The following RUFY2 variants were observed in gnomAD, a reference collection of about 807,000 sequenced individuals.
The protein encoded by RUFY2 is RUN and FYVE domain-containing protein 2.
A neutral mutation model predicts 94.4 loss-of-function variants in RUFY2; 49 were observed. The observed-to-expected ratio is 0.52, with a 90% CI of 0.41 to 0.66. RUFY2 has a LOEUF of 0.66. Ranked by LOEUF, RUFY2 falls within the 30% of genes least tolerant of loss-of-function variation. RUFY2 has a pLI of 0.00. For synonymous variants in RUFY2, 255 were observed against 235.7 expected (o/e 1.08, Z -0.75); for missense variants, 541 against 692.8 (o/e 0.78, Z 2.46).
In RUFY2 at chr10:68,345,774, C is replaced by T. The variant is rs201984496; in HGVS notation, c.1815G>A (p.Leu605=). 5,039 of 1,611,302 alleles carry T rather than the reference C, an allele frequency of 3.1e-3. 18 individuals carry two copies. The highest frequency in any genetic ancestry group is 4.8e-3 in the South Asian group (431 of 90,456). The change falls in exon 18 of 18, where the codon TTG becomes TTA. Residue 605 remains leucine (L), a synonymous_variant. Coordinates refer to ENST00000602465, the MANE Select transcript of RUFY2 (RefSeq NM_001330103.2). ...ALLIQRCSSN[L]P is the part of the protein sequence containing the mutation. ...AGGATTTAGTTCTGGAGTCTCAGGGCAAGTTAGATGAGCATCTCTGAATGA... is the reference window on the plus strand; with the variant it reads ...AGGATTTAGTTCTGGAGTCTCAGGGTAAGTTAGATGAGCATCTCTGAATGA...
chr10:68,406,682 T>C, intron 1 of RUFY2: 1 of 1,384,116 alleles, frequency 7.2e-7, no homozygotes, highest in South Asian at 1.4e-5. Flanking sequence ...CCTGCCTCTC[T>C]TCCTGCCCCC....
chr10:68,378,492 CCTTT>C (rs2048813088), intron 12 of RUFY2: 1 of 1,375,962 alleles, frequency 7.3e-7, no homozygotes, highest in African/African-American at 1.5e-5. Context: ...CATTTAGATT[CCTTT>C]CTATTTAATA....
At chr10:68,348,934 T>C (rs1473274216) in intron 16 of RUFY2, among the ~76,000 whole-genome samples, 1 of 152,180 alleles carries the variant, frequency 6.6e-6, no homozygotes, top group African/African-American at 2.4e-5. Flanking sequence ...CAGCAATTTT[T>C]CTCTGCCCAA....
intron 13 of RUFY2, among the ~76,000 whole-genome samples, chr10:68,364,323 A>G (rs1452998206): frequency 1.3e-5 from 2 of 152,198 alleles, no homozygotes; most frequent in Admixed American, 1.3e-4. Context: ...GCCAGCCACG[A>G]AAAAATCCTT....
Position 68,379,635 on chromosome 10 carries a change from T to C in RUFY2, c.1108-114A>G, listed in dbSNP as rs2048897209. 7.5e-6 allele frequency: 5 copies of C among 668,852 alleles called. No homozygotes were observed. The South Asian group carries it at 1.1e-4, about 14-fold the overall frequency. The allele number at this position is 668,852 out of a possible 1,614,324, so 41.4% of individuals were successfully genotyped here. A position where few individuals can be genotyped will look rare whatever the true frequency, so the allele number is the denominator to read the frequency against. ...TATCACTATGCAGCCCAGGTTGGAT[T>C]TGAACTTCTGGGCTCAAGCTATCCC... On this transcript the variant is annotated intron_variant, in intron 11 of 17. Coordinates refer to ENST00000602465, the MANE Select transcript of RUFY2 (RefSeq NM_001330103.2).
chr10:68,394,183 T>C, intron 5 of RUFY2, 47 bp from the exon 6 acceptor site: 2 of 1,494,168 alleles, frequency 1.3e-6, no homozygotes, highest in Non-Finnish European at 1.8e-6. Context: ...GAAAATACTT[T>C]ATCAGAAGTA....
At chr10:68,373,468 T>C (rs1029074103) in intron 13 of RUFY2, among the ~76,000 whole-genome samples, 2 of 152,170 alleles carry the variant, frequency 1.3e-5, no homozygotes, top group African/African-American at 4.8e-5. Context: ...AAGAATTGAT[T>C]TTAAAAGCAT....
downstream of RUFY2, chr10:68,341,136 C>T (rs754557477): frequency 7.1e-7 from 1 of 1,411,234 alleles, no homozygotes; most frequent in Non-Finnish European, 9.6e-7. Context: ...CTTTAATATT[C>T]TCAATAGAAA....
chr10:68,378,962 T>C (rs189673134), intron 12 of RUFY2, among the ~76,000 whole-genome samples: 13 of 152,222 alleles, frequency 8.5e-5, no homozygotes, highest in African/African-American at 3.1e-4. Flanking sequence ...TTAAACAAAA[T>C]TATATCCTCG....
intron 3 of RUFY2, among the ~76,000 whole-genome samples, chr10:68,400,404 C>T (rs183992294): frequency 2.3e-4 from 35 of 152,124 alleles, no homozygotes; most frequent in Non-Finnish European, 4.0e-4. Flanking sequence ...TGGTCAGGCA[C>T]GGTGGCTCAC....
chr10:68,356,803 C>T (rs1408751250), intron 15 of RUFY2, among the ~76,000 whole-genome samples: 1 of 150,944 alleles, frequency 6.6e-6, no homozygotes, highest in Non-Finnish European at 1.5e-5. Flanking sequence ...CCTGTCTTGG[C>T]CTCCCAAAGT....
At position 68,345,274 on chromosome 10, in the gene RUFY2, G is replaced by A. The variant is rs2134870292; in HGVS notation, c.*494C>T. ...GGCCCTGTCTAATGCAAGAGGCAAA[G>A]GGAGAGGGGGAGAAGAAAGGGCAAA... On this transcript the variant is annotated 3_prime_UTR_variant, in exon 18 of 18. Coordinates refer to ENST00000602465, the MANE Select transcript of RUFY2 (RefSeq NM_001330103.2). 4.8e-6 allele frequency: 1 copy of A among 206,436 alleles called. No individual in the cohort carries two copies. Among genetic ancestry groups the A allele is most frequent in the East Asian group, 1.1e-4 (1 of 9,462 alleles). 12.8% of individuals were successfully genotyped at this position (206,436 alleles called of 1,614,324 possible). A position where few individuals can be genotyped will look rare whatever the true frequency, so the allele number is the denominator to read the frequency against.
In RUFY2 at chr10:68,346,171, GAATA is replaced by G. The variant is rs2046258837; in HGVS notation, c.1600-91_1600-88del. 7.2e-5 allele frequency: 66 copies of G among 918,014 alleles called. 1 individual carries two copies. The South Asian group carries it at 9.6e-4, about 13-fold the overall frequency. The allele number at this position is 918,014 out of a possible 1,614,324, so 56.9% of individuals were successfully genotyped here. On this transcript the variant is annotated intron_variant, in intron 16 of 17. Transcript: ENST00000602465. ...TTTCCCCCAAGAACATTATTTATAG[GAATA>G]GATATATGAAGAATGGAAAATAAGT...
At chr10:68,346,196 T>C in intron 16 of RUFY2, 112 bp from the exon 17 acceptor site, 1 of 783,276 alleles carries the variant, frequency 1.3e-6, no homozygotes, top group Non-Finnish European at 2.0e-6. Context: ...GAATGGAAAA[T>C]AAGTTATTTT....
downstream of RUFY2, chr10:68,343,338 G>A (rs940524930): frequency 6.6e-6 from 1 of 152,350 alleles, no homozygotes; most frequent in Non-Finnish European, 1.5e-5. Flanking sequence ...CTGAAGCTAT[G>A]ATTCATCTTA....
At chr10:68,341,127 T>C, downstream of RUFY2, 1 of 1,368,618 alleles carries the variant, frequency 7.3e-7, no homozygotes, top group Non-Finnish European at 1.0e-6. Flanking sequence ...GGTAATTTAC[T>C]TTAATATTCT....
chr10:68,395,197 G>C (rs2050300338), intron 4 of RUFY2, among the ~76,000 whole-genome samples: 1 of 152,052 alleles, frequency 6.6e-6, no homozygotes, highest in South Asian at 2.1e-4. Flanking sequence ...AATTAGCCAG[G>C]CGTGGTGGCA....
At chr10:68,355,077 C>T (rs2046950228) in intron 16 of RUFY2, among the ~76,000 whole-genome samples, 1 of 152,118 alleles carries the variant, frequency 6.6e-6, no homozygotes, top group Admixed American at 6.6e-5. Flanking sequence ...AAACTCCTGA[C>T]CTCAAATGAC....
rs532002260 is a variant in RUFY2, at chr10:68,394,464, A to C, written c.399-13T>G. 3.8e-6 allele frequency: 6 copies of C among 1,588,298 alleles called. No homozygotes were observed. In the South Asian group the frequency reaches 6.6e-5, roughly 18 times the overall value. ...CTCATAAAACTCACTGTGAAAATTT[A>C]AAAAATAAGGACTTTAAATCACAAA... On this transcript the variant is annotated splice_polypyrimidine_tract_variant and intron_variant, in intron 4 of 17. Transcript: ENST00000602465.
Sources: allele counts gnomAD v4.1 joint callset (sites outside exome capture counted in the v4.1 genomes callset), GRCh38; gene constraint gnomAD v4.1.1; transcripts MANE v1.5; gene names NCBI Gene and HGNC (gene_info 2026-07-23, HGNC 2026-07-21).